SP140L: variants seen among roughly 807,000 people sequenced by gnomAD.
SP140L encodes nuclear body protein SP140-like protein.
In SP140L, 64 loss-of-function variants were observed where a neutral mutation model predicts 84.3. The ratio of observed to expected loss-of-function variants is 0.76; its 90% CI spans 0.62 to 0.94. The LOEUF is 0.94. SP140L is among the 40% of genes least tolerant of loss of function. SP140L has a pLI of 0.00. For synonymous variants in SP140L, 242 were observed against 236.9 expected (o/e 1.02, Z -0.20); for missense variants, 628 against 692.5 (o/e 0.91, Z 1.05).
At chr2:230,372,526 C>T (rs2061113016) in intron 7 of SP140L, 1 of 151,864 alleles carries the variant, frequency 6.6e-6, no homozygotes, top group Admixed American at 6.6e-5. Context: ...GAGATCGAGA[C>T]CATCTTGGCT....
intron 8 of SP140L, among the ~76,000 whole-genome samples, chr2:230,384,484 C>T (rs2061505837): frequency 6.6e-6 from 1 of 152,188 alleles, no homozygotes; most frequent in African/African-American, 2.4e-5. Flanking sequence ...ATTTTAGAGT[C>T]CTATTGAAAA....
At position 230,383,548 on chromosome 2, in the gene SP140L, A is replaced by G; in HGVS notation, c.676A>G (p.Arg226Gly). 1 of 1,606,324 alleles carries G rather than the reference A, an allele frequency of 6.2e-7. No individual in the cohort carries two copies. The highest frequency in any genetic ancestry group is 8.5e-7 in the Non-Finnish European group (1 of 1,176,390). Reference sequence around the variant, plus strand: ...GCATGGCTGGAGCAGAATGGGAACGAGAACGCAGAAAAACAACCAACAAAA... The same window carrying G: ...GCATGGCTGGAGCAGAATGGGAACGGGAACGCAGAAAAACAACCAACAAAA... ...KGHGWSRMGT[R>G]TQKNNQQNDN... The change falls in exon 8 of 19, where the codon AGA becomes GGA. Residue 226 changes from arginine to glycine, a missense_variant. Transcript: ENST00000415673.
At chr2:230,377,452 T>A (rs1247787535) in intron 7 of SP140L, among the ~76,000 whole-genome samples, 1 of 152,252 alleles carries the variant, frequency 6.6e-6, no homozygotes, top group Non-Finnish European at 1.5e-5. Flanking sequence ...TTGAGATACA[T>A]CCATGTTATT....
chr2:230,391,108 A>G (rs2061784203), intron 11 of SP140L, among the ~76,000 whole-genome samples: 1 of 152,214 alleles, frequency 6.6e-6, no homozygotes, highest in Non-Finnish European at 1.5e-5. Context: ...TAGATATACC[A>G]CATTTTGTTT....
chr2:230,361,706 G>A lies in SP140L; in HGVS notation c.523+9G>A, dbSNP rs372701370. ...ACTAAGTCTTAAACAAGGTAAAAATGACAGAATAAAAACGGTTTCTCATCC... is the reference window on the plus strand; with the variant it reads ...ACTAAGTCTTAAACAAGGTAAAAATAACAGAATAAAAACGGTTTCTCATCC... On this transcript the variant is annotated intron_variant, in intron 5 of 18. Coordinates refer to ENST00000415673, the MANE Select transcript of SP140L (RefSeq NM_138402.6). 1.2e-4 allele frequency: 186 copies of A among 1,551,980 alleles called. No homozygotes were observed. The highest frequency in any genetic ancestry group is 1.6e-4 in the Non-Finnish European group (181 of 1,145,624).
intron 7 of SP140L, among the ~76,000 whole-genome samples, chr2:230,378,634 A>G (rs2061320872): frequency 6.6e-6 from 1 of 152,218 alleles, no homozygotes; most frequent in African/African-American, 2.4e-5. Flanking sequence ...AGTGGAAAGT[A>G]GATATGTGGA....
At chr2:230,331,799 G>C (rs920149227) in intron 2 of SP140L, among the ~76,000 whole-genome samples, 11 of 152,198 alleles carry the variant, frequency 7.2e-5, no homozygotes, top group Admixed American at 3.3e-4. Context: ...GTTTTAGTTT[G>C]ATGACTTTGT....
At chr2:230,354,933 A>T (rs1433898974) in intron 2 of SP140L, among the ~76,000 whole-genome samples, 1 of 151,202 alleles carries the variant, frequency 6.6e-6, no homozygotes, top group Non-Finnish European at 1.5e-5. Context: ...AAGAAAAAAG[A>T]AAAAGAAAAA....
intron 6 of SP140L, 128 bp downstream of exon 6, chr2:230,371,095 G>A (rs1455363011): frequency 1.3e-6 from 1 of 748,326 alleles, no homozygotes; most frequent in African/African-American, 1.8e-5. Flanking sequence ...CAAGCCTTTG[G>A]GGAACTGCAG....
intron 7 of SP140L, among the ~76,000 whole-genome samples, chr2:230,381,220 T>C (rs1201264398): frequency 1.3e-5 from 2 of 152,238 alleles, no homozygotes; most frequent in East Asian, 3.9e-4. Flanking sequence ...CGTAAGCAAC[T>C]CACCTCTGGG....
chr2:230,387,624 T>A (rs977493048), intron 9 of SP140L, among the ~76,000 whole-genome samples: 1 of 152,236 alleles, frequency 6.6e-6, no homozygotes, highest in Admixed American at 6.5e-5. Context: ...CATCCCTAGA[T>A]GGTGGTCATT....
At chr2:230,367,183 T>C (rs541550713) in intron 5 of SP140L, among the ~76,000 whole-genome samples, 40 of 152,312 alleles carry the variant, frequency 2.6e-4, no homozygotes, top group Admixed American at 2.5e-3. Context: ...AAATATCTTA[T>C]AGTTATAATA....
intron 5 of SP140L, among the ~76,000 whole-genome samples, chr2:230,362,746 G>C (rs2060757120): frequency 6.6e-6 from 1 of 152,138 alleles, no homozygotes; most frequent in African/African-American, 2.4e-5. Context: ...AGTTTGCCTA[G>C]GGTCAGATGA....
intron 2 of SP140L, 38 bp downstream of exon 2, chr2:230,328,869 C>T (rs766594115): frequency 1.3e-6 from 2 of 1,590,624 alleles, no homozygotes; most frequent in South Asian, 1.2e-5. Flanking sequence ...TTTGTATTTT[C>T]CTGATAATGT....
intron 5 of SP140L, 80 bp from the exon 6 acceptor site, chr2:230,370,828 C>A: frequency 7.1e-7 from 1 of 1,400,106 alleles, no homozygotes; most frequent in Non-Finnish European, 1.0e-6. Flanking sequence ...ATTAAAAGTT[C>A]ATAAATCACA....
intron 12 of SP140L, 27 bp from the exon 13 acceptor site, chr2:230,393,387 A>G (rs772164771): frequency 2.0e-5 from 31 of 1,574,878 alleles, no homozygotes; most frequent in Admixed American, 3.7e-5. Flanking sequence ...CAGGCTGACT[A>G]TGTACCTTGG....
At chr2:230,397,413 A>G (rs1195631998) in intron 14 of SP140L, among the ~76,000 whole-genome samples, 1 of 152,096 alleles carries the variant, frequency 6.6e-6, no homozygotes, top group African/African-American at 2.4e-5. Context: ...TAGGACTGAA[A>G]CCATCACGAC....
chr2:230,383,040 T>C (rs1321922686), intron 7 of SP140L, among the ~76,000 whole-genome samples: 4 of 152,242 alleles, frequency 2.6e-5, no homozygotes, highest in Non-Finnish European at 5.9e-5. Context: ...AATGAAATTA[T>C]ATAGAAATTC....
intron 11 of SP140L, among the ~76,000 whole-genome samples, chr2:230,391,374 A>G (rs1369801447): frequency 6.6e-6 from 1 of 152,202 alleles, no homozygotes; most frequent in Non-Finnish European, 1.5e-5. Context: ...CACACTCACC[A>G]ACACTTGTTA....
Sources: gnomAD v4.1 joint callset for allele counts (sites outside exome capture counted in the v4.1 genomes callset) on GRCh38, gnomAD v4.1.1 for gene constraint, MANE v1.5 for transcripts, NCBI Gene and HGNC (gene_info 2026-07-23, HGNC 2026-07-21) for gene names.